ENTR1: variants seen among roughly 807,000 people sequenced by gnomAD.
The protein encoded by ENTR1 is endosome associated trafficking regulator 1, also known as endosome-associated-trafficking regulator 1.
In ENTR1, 47 loss-of-function variants were observed where a neutral mutation model predicts 47.9. The ratio of observed to expected loss-of-function variants is 0.98; its 90% CI spans 0.78 to 1.25. ENTR1 has a LOEUF of 1.25. Ranked by LOEUF, ENTR1 falls within the 50% of genes most tolerant of loss-of-function variation. The pLI is 0.00. For synonymous variants in ENTR1, 290 were observed against 245.8 expected, an observed-to-expected ratio of 1.18 and a Z score of -1.68; for missense variants, 668 against 570.5, an observed-to-expected ratio of 1.17 and a Z score of -1.74.
At chr9:136,403,066 G>GA (rs1834566668) in intron 9 of ENTR1, among the ~76,000 whole-genome samples, 179 bp from the exon 10 acceptor site, 1 of 117,140 alleles carries the variant, frequency 8.5e-6, no homozygotes. Flanking sequence ...AGAATGGGGA[G>GA]GGTTTCCACA....
intron 2 of ENTR1, among the ~76,000 whole-genome samples, chr9:136,409,537 C>T (rs565899357): frequency 1.5e-4 from 23 of 152,246 alleles, no homozygotes; most frequent in Admixed American, 2.6e-4. Context: ...CTGGAGATGG[C>T]CTGACTTGCA....
chr9:136,404,002 T>C, intron 9 of ENTR1, 53 bp downstream of exon 9: 1 of 1,533,864 alleles, frequency 6.5e-7, no homozygotes, highest in Non-Finnish European at 8.8e-7. Flanking sequence ...TGACGACCAC[T>C]CCAATCTCAC....
Position 136,407,390 on chromosome 9 carries a change from C to A in ENTR1, c.574G>T (p.Ala192Ser), listed in dbSNP as rs746354290. 2 of 1,606,402 alleles carry A rather than the reference C, an allele frequency of 1.2e-6. No homozygotes were observed. ...CTCTCGGGGTGAGTCTGCTCGATGG[C>A]GGACGGCAGGTAGGCCCCACTCCAT... ...TGWSGAYLPS[A>S]IEQTHPERVP... Residue 192 changes from alanine to serine, a missense_variant, in exon 5 of 10, where the codon GCC becomes TCC. By Grantham distance (99) the Ala-to-Ser change is moderately conservative. Transcript: ENST00000357365.
chr9:136,407,310 C>T lies in ENTR1; in HGVS notation c.654G>A (p.Pro218=), dbSNP rs369346410. 55 of 1,611,474 alleles carry T rather than the reference C, an allele frequency of 3.4e-5. No homozygotes were observed. Among genetic ancestry groups the T allele is most frequent in the East Asian group, 4.5e-5 (2 of 44,850 alleles). Residue 218 remains proline, a synonymous_variant, in exon 5 of 10, where the codon CCG becomes CCA. Coordinates refer to ENST00000357365, the MANE Select transcript of ENTR1 (RefSeq NM_001039707.2). ...GAGACTCAGGCCCTGCCAGCTCCGA[C>T]GGGGTGGAGAAAAAGGAAAGGTATG... ...CSTYLSFFST[P]SELAGPESLP...
chr9:136,404,991 C>T, intron 7 of ENTR1, 100 bp downstream of exon 7: 1 of 948,562 alleles, frequency 1.1e-6, no homozygotes, highest in South Asian at 1.3e-5. Flanking sequence ...CATGGCCCCG[C>T]TCCCAAGGGC....
rs56861175 is a variant in ENTR1, at chr9:136,403,374, G to A, written c.1209-487C>T. Among the ~76,000 whole-genome samples the A allele has an allele frequency of 1.7e-3, 172 of 101,362 alleles. 1 individual carries two copies. Among genetic ancestry groups the A allele is most frequent in the African/African-American group, 5.8e-3 (149 of 25,670 alleles). 66.5% of individuals were successfully genotyped at this position (101,362 alleles called of 152,430 possible). On this transcript the variant is annotated intron_variant, in intron 9 of 9. Transcript: ENST00000357365. ...GAGCAAGGGGTGGGGTTTGCCGGGG[G>A]AGAAAGGGACAGGGTCCCAGGGAGC...
At chr9:136,403,890 T>G in intron 9 of ENTR1, 165 bp downstream of exon 9, 1 of 798,264 alleles carries the variant, frequency 1.3e-6, no homozygotes, top group East Asian at 2.7e-5. Flanking sequence ...GTCCACACAG[T>G]GACCCAGAGA....
In ENTR1 at chr9:136,410,131, C is replaced by T. The variant is rs1216532724; in HGVS notation, c.179G>A (p.Cys60Tyr). 1 of 1,612,816 alleles carries T rather than the reference C, an allele frequency of 6.2e-7. No individual in the cohort carries two copies. The highest frequency in any genetic ancestry group is 8.5e-7 in the Non-Finnish European group (1 of 1,179,968). ...AGCCAGCACCGGGCTGGGCACATAGCACATAAAGGCCGGCCGAATGCCGAA... is the reference window on the plus strand; with the variant it reads ...AGCCAGCACCGGGCTGGGCACATAGTACATAAAGGCCGGCCGAATGCCGAA... ...PFFGIRPAFM[C>Y]YVPSPVLASV... The change falls in exon 2 of 10, where the codon TGC (cysteine) becomes TAC (tyrosine). Residue 60 changes from cysteine to tyrosine, a missense_variant. Coordinates refer to ENST00000357365, the MANE Select transcript of ENTR1 (RefSeq NM_001039707.2).
chr9:136,409,964 G>A (rs1306824647), intron 2 of ENTR1, 126 bp downstream of exon 2: 5 of 1,183,454 alleles, frequency 4.2e-6, no homozygotes, highest in Non-Finnish European at 6.2e-6. Flanking sequence ...TGAATTCCGA[G>A]TGCCTGGCAC....
rs932579216 is a variant in ENTR1 at position 136,407,264 on chromosome 9, C to G, written c.700G>C (p.Asp234His). 1.9e-6 allele frequency: 3 copies of G among 1,613,036 alleles called. No homozygotes were observed. The change falls in exon 5 of 10, where the codon GAC (aspartate) becomes CAC (histidine). Residue 234 changes from aspartate to histidine, a missense_variant. Physicochemically the swap from Asp to His is moderately conservative, Grantham distance 81 (BLOSUM62 -1). Transcript: ENST00000357365. ...GCCGGAGACACGCGAGAATCAGTGT[C>G]ACTCAACGCCCACGAGGGCAGAGAC... is the stretch of plus-strand genomic sequence containing the variant. ...PESLPSWALS[D>H]TDSRVSPASP...
rs574811536 is a variant in ENTR1, at chr9:136,408,345, A to G, written c.290-407T>C. Among the ~76,000 whole-genome samples, 26 of 152,156 alleles carry G rather than the reference A, an allele frequency of 1.7e-4. No homozygotes were observed. The East Asian group carries it at 2.7e-3, about 16-fold the overall frequency. On this transcript the variant is annotated intron_variant, in intron 3 of 9. Transcript: ENST00000357365. ...CTGTACCCCAGCACTGTGGGAGGTC[A>G]AGGCGGGCGGATCACGAGGTCAGGA...
chr9:136,410,068 G>GGCCGGC, intron 2 of ENTR1, 22 bp downstream of exon 2: 1 of 1,612,514 alleles, frequency 6.2e-7, no homozygotes, highest in Non-Finnish European at 8.5e-7. Context: ...GCGTCCCCGG[G>GGCCGGC]GCCGGCGCCC....
chr9:136,404,222 G>A, intron 8 of ENTR1, 28 bp from the exon 9 acceptor site: 1 of 1,573,490 alleles, frequency 6.4e-7, no homozygotes, highest in Non-Finnish European at 8.6e-7. Flanking sequence ...GCTAAGGACA[G>A]AGCAGCTCCG....
rs1835058016 is a variant in ENTR1, at chr9:136,410,548, G to A, written c.-151C>T. 1 of 1,116,966 alleles carries A rather than the reference G, an allele frequency of 9.0e-7. No homozygotes were observed. Among genetic ancestry groups the A allele is most frequent in the African/African-American group, 1.6e-5 (1 of 61,848 alleles). 69.2% of individuals were successfully genotyped at this position (1,116,966 alleles called of 1,614,324 possible). A position where few individuals can be genotyped will look rare whatever the true frequency, so the allele number is the denominator to read the frequency against. On this transcript the variant is annotated 5_prime_UTR_variant, in exon 1 of 10. Coordinates refer to ENST00000357365, the MANE Select transcript of ENTR1 (RefSeq NM_001039707.2). ...CCGCCCCCGCGCCTCCGAGCCTCTC[G>A]CCGCTGCTTCCGCTCCGAGCACCGA... is the stretch of plus-strand genomic sequence containing the variant.
Position 136,405,143 on chromosome 9 carries a change from T to G in ENTR1, c.953A>C (p.His318Pro). Residue 318 changes from histidine to proline, a missense_variant, in exon 7 of 10, where the codon CAC becomes CCC. Physicochemically the swap from His to Pro is moderately conservative, Grantham distance 77. Coordinates refer to ENST00000357365, the MANE Select transcript of ENTR1 (RefSeq NM_001039707.2). The part of the protein sequence containing the change: ...AKMIKEESDY[H>P]DLESVVQQVE... ...CTGCTGAACCACCGACTCCAGGTCG[T>G]GGTAGTCGCTTTCCTCCTTGATCAT... is the stretch of plus-strand genomic sequence containing the variant. The G allele has an allele frequency of 6.2e-7, 1 of 1,613,984 alleles. No individual in the cohort carries two copies. The highest frequency in any genetic ancestry group is 1.1e-5 in the South Asian group (1 of 91,076).
In ENTR1 at chr9:136,402,871, C is replaced by T. The variant is rs1319796103; in HGVS notation, c.1225G>A (p.Ala409Thr). 2 of 1,611,962 alleles carry T rather than the reference C, an allele frequency of 1.2e-6. No individual in the cohort carries two copies. The highest frequency in any genetic ancestry group is 1.7e-6 in the Non-Finnish European group (2 of 1,179,672). The change falls in exon 10 of 10, where the codon GCT becomes ACT. Residue 409 changes from alanine (A) to threonine (T), a missense_variant. Coordinates refer to ENST00000357365, the MANE Select transcript of ENTR1 (RefSeq NM_001039707.2). ...TCGGCAACAAGATTCAGTGTCTCAG[C>T]TCCGGAAACCAGTTGCCTGAAAACA... The part of the protein sequence containing the change: ...QASIKQLVSG[A>T]ETLNLVAEIL...
rs372248173 is a variant in ENTR1 at position 136,402,837 on chromosome 9, T to C, written c.1259A>G (p.Lys420Arg). 2.5e-6 allele frequency: 4 copies of C among 1,612,858 alleles called. No individual in the cohort carries two copies. In the African/African-American group the frequency reaches 5.4e-5, roughly 22 times the overall value. ...AACTTCAGAAATTCTGTCTATAGAT[T>C]TAAGGATTTCGGCAACAAGATTCAG... ...ETLNLVAEIL[K>R]SIDRISEVKD... The change falls in exon 10 of 10, where the codon AAA (lysine) becomes AGA (arginine). Residue 420 changes from lysine to arginine, a missense_variant. Physicochemically the swap from Lys to Arg is conservative, Grantham distance 26. Coordinates refer to ENST00000357365, the MANE Select transcript of ENTR1 (RefSeq NM_001039707.2).
chr9:136,410,567 G>T lies in ENTR1; in HGVS notation c.-170C>A. On this transcript the variant is annotated 5_prime_UTR_variant, in exon 1 of 10. Transcript: ENST00000357365. ...CCTCTCGCCGCTGCTTCCGCTCCGA[G>T]CACCGAAAGCGCGTGCCTGAACGCC... 1 of 1,162,720 alleles carries T rather than the reference G, an allele frequency of 8.6e-7. No individual in the cohort carries two copies. Among genetic ancestry groups the T allele is most frequent in the Non-Finnish European group, 1.1e-6 (1 of 921,164 alleles). 72.0% of individuals were successfully genotyped at this position (1,162,720 alleles called of 1,614,324 possible). A position where few individuals can be genotyped will look rare whatever the true frequency, so the allele number is the denominator to read the frequency against.
intron 2 of ENTR1, 188 bp downstream of exon 2, chr9:136,409,902 G>A (rs1417644868): frequency 1.3e-6 from 1 of 762,214 alleles, no homozygotes; most frequent in Non-Finnish European, 2.3e-6. Flanking sequence ...TCTGTCTTGG[G>A]GGAGGTCTCC....
Sources: gnomAD v4.1 joint callset for allele counts (sites outside exome capture counted in the v4.1 genomes callset) on GRCh38, gnomAD v4.1.1 for gene constraint, MANE v1.5 for transcripts, NCBI Gene and HGNC (gene_info 2026-07-23, HGNC 2026-07-21) for gene names.